IFRD1: variants seen among roughly 807,000 people sequenced by gnomAD.
IFRD1 encodes the protein interferon related developmental regulator 1.
Under a neutral mutation model 52.9 loss-of-function variants are expected in IFRD1, and 35 were observed. The ratio of observed to expected loss-of-function variants is 0.66; its 90% CI spans 0.51 to 0.88. The LOEUF is 0.88. Ranked by LOEUF, IFRD1 falls within the 40% of genes least tolerant of loss-of-function variation. The pLI, the probability that IFRD1 is intolerant of heterozygous loss-of-function variation, is 0.00. For missense variants in IFRD1, 517 were observed against 550.8 expected (o/e 0.94, Z 0.61); for synonymous variants, 184 against 188.4 (o/e 0.98, Z 0.19).
chr7:112,466,107 T>C (rs2117321268), intron 8 of IFRD1, among the ~76,000 whole-genome samples: 1 of 152,160 alleles, frequency 6.6e-6, no homozygotes. Flanking sequence ...TATTAAGATA[T>C]TTATTTCTCT....
At chr7:112,440,854 G>C (rs370952105) in intron 1 of IFRD1, among the ~76,000 whole-genome samples, 1 of 152,184 alleles carries the variant, frequency 6.6e-6, no homozygotes, top group South Asian at 2.1e-4. Context: ...TAAAAGTTCA[G>C]GCTGGGTGCA....
At chr7:112,434,119 G>A (rs1165055748) in intron 1 of IFRD1, among the ~76,000 whole-genome samples, 1 of 152,126 alleles carries the variant, frequency 6.6e-6, no homozygotes, top group African/African-American at 2.4e-5. Context: ...TACTGTGCCT[G>A]ACTGTCTTAT....
At chr7:112,426,210 T>TA in intron 1 of IFRD1, among the ~76,000 whole-genome samples, 1 of 152,170 alleles carries the variant, frequency 6.6e-6, no homozygotes, top group Admixed American at 6.5e-5. Context: ...AACCTGTCCT[T>TA]AAAAAAATAA....
At chr7:112,472,926 G>T in intron 11 of IFRD1, 65 bp downstream of exon 11, 1 of 1,088,750 alleles carries the variant, frequency 9.2e-7, no homozygotes, top group East Asian at 2.4e-5. Flanking sequence ...TCTAGTGTCA[G>T]CAACTTAGCT....
chr7:112,467,815 C>A, intron 8 of IFRD1, 166 bp from the exon 9 acceptor site: 1 of 677,736 alleles, frequency 1.5e-6, no homozygotes, highest in Non-Finnish European at 2.6e-6. Flanking sequence ...TCGATTTTTG[C>A]ATGAAAACAT....
At chr7:112,441,277 AAAAAACAAAAAC>A (rs150721531) in intron 1 of IFRD1, among the ~76,000 whole-genome samples, 2 of 151,128 alleles carry the variant, frequency 1.3e-5, no homozygotes, top group East Asian at 1.9e-4. Context: ...CCTGTCTTAA[AAAAAACAAAAAC>A]AAAAACAAAA....
intron 1 of IFRD1, among the ~76,000 whole-genome samples, chr7:112,430,063 G>A (rs1794515466): frequency 6.6e-6 from 1 of 152,166 alleles, no homozygotes; most frequent in African/African-American, 2.4e-5. Flanking sequence ...TGGTGGGGTT[G>A]ACAGCACCTG....
chr7:112,439,474 T>A (rs1278114739), intron 1 of IFRD1, among the ~76,000 whole-genome samples: 3 of 152,230 alleles, frequency 2.0e-5, no homozygotes, highest in Non-Finnish European at 4.4e-5. Context: ...TTAATTTTTT[T>A]AAAATATTAA....
rs150336380 is a variant in IFRD1 at position 112,450,728 on chromosome 7, A to G, written c.40A>G (p.Ser14Gly). The G allele has an allele frequency of 1.1e-4, 185 of 1,612,810 alleles. No homozygotes were observed. The highest frequency in any genetic ancestry group is 1.5e-4 in the Non-Finnish European group (176 of 1,179,902). The change falls in exon 1 of 12, where the codon AGC (serine) becomes GGC (glycine). Residue 14 changes from serine to glycine, a missense_variant. By Grantham distance (56) the Ser-to-Gly change is moderately conservative. Coordinates refer to ENST00000403825, the MANE Select transcript of IFRD1 (RefSeq NM_001550.4). ...NKKRNTPHRG[S>G]SAGGGGSGAA... ...GAAGCGGAACACTCCCCACCGCGGTAGCAGTGCTGGCGGCGGCGGGTCAGG... is the reference window on the plus strand; with the variant it reads ...GAAGCGGAACACTCCCCACCGCGGTGGCAGTGCTGGCGGCGGCGGGTCAGG...
At chr7:112,457,248 C>G in intron 4 of IFRD1, 1 of 612,962 alleles carries the variant, frequency 1.6e-6, no homozygotes, top group South Asian at 2.0e-5. Context: ...TAGCTTGAAA[C>G]TAAGAAGGAT....
intron 11 of IFRD1, 65 bp from the exon 12 acceptor site, chr7:112,475,365 T>C: frequency 2.2e-6 from 2 of 891,812 alleles, no homozygotes; most frequent in Non-Finnish European, 3.7e-6. Context: ...ACTTTTACCC[T>C]TTTTCTGTTT....
Position 112,450,640 on chromosome 7 carries a change from G to A in IFRD1, c.-49G>A, listed in dbSNP as rs1449522041. ...CACGAGTAAAAAGTGCAGCTCCATC[G>A]GCTGATCCTCGCTAAGCTCCGACTC... On this transcript the variant is annotated 5_prime_UTR_variant, in exon 1 of 12. Coordinates refer to ENST00000403825, the MANE Select transcript of IFRD1 (RefSeq NM_001550.4). 1.4e-6 allele frequency: 2 copies of A among 1,469,454 alleles called. No individual in the cohort carries two copies. The highest frequency in any genetic ancestry group is 1.9e-6 in the Non-Finnish European group (2 of 1,049,754). The allele number at this position is 1,469,454 out of a possible 1,614,324, so 91.0% of individuals were successfully genotyped here.
At chr7:112,472,468 G>A (rs1361121529) in intron 10 of IFRD1, 121 bp downstream of exon 10, 2 of 1,098,532 alleles carry the variant, frequency 1.8e-6, no homozygotes, top group East Asian at 2.4e-5. Context: ...TTAGAAAACA[G>A]TAAACTTGTT....
At position 112,452,170 on chromosome 7, in the gene IFRD1, T is replaced by G. The variant is rs148814627; in HGVS notation, c.94+1388T>G. ...ATTGAGGATACTTTTTTTTTTTTTGTTAAGGGAAAGAGGGAGTCTGGCTCT... is the reference window on the plus strand; with the variant it reads ...ATTGAGGATACTTTTTTTTTTTTTGGTAAGGGAAAGAGGGAGTCTGGCTCT... On this transcript the variant is annotated intron_variant, in intron 1 of 11. Transcript: ENST00000403825. 0.047 allele frequency: 43,255 copies of G among 911,126 alleles called. 1,103 individuals carry two copies. Among genetic ancestry groups the G allele is most frequent in the Non-Finnish European group, 0.052 (39,684 of 770,342 alleles). 56.4% of individuals were successfully genotyped at this position (911,126 alleles called of 1,614,324 possible).
chr7:112,438,877 G>A lies in IFRD1; in HGVS notation c.-181-11631G>A, dbSNP rs542299302. Among the ~76,000 whole-genome samples the A allele has an allele frequency of 5.3e-5, 8 of 152,248 alleles. No individual in the cohort carries two copies. The South Asian group carries it at 1.7e-3, about 32-fold the overall frequency. On this transcript the variant is annotated intron_variant, in intron 1 of 12. Transcript: ENST00000005558. ...ACTACCATTCATGAATCATTGACCT[G>A]AGCATAATGAAAGTTAGCCACCTGG...
chr7:112,472,986 A>C (rs1563273366), intron 11 of IFRD1, 125 bp downstream of exon 11: 1 of 712,298 alleles, frequency 1.4e-6, no homozygotes, highest in Non-Finnish European at 2.5e-6. Context: ...TTCACATAGA[A>C]TAGCTGTACT....
At chr7:112,439,367 T>TA (rs1794809449) in intron 1 of IFRD1, among the ~76,000 whole-genome samples, 1 of 152,234 alleles carries the variant, frequency 6.6e-6, no homozygotes, top group South Asian at 2.1e-4. Context: ...ATAAGACTGT[T>TA]AGAAATTGCC....
chr7:112,463,197 G>A (rs1288563470), intron 8 of IFRD1, among the ~76,000 whole-genome samples: 5 of 152,152 alleles, frequency 3.3e-5, no homozygotes, highest in Non-Finnish European at 1.5e-5. Flanking sequence ...CACTGAATCT[G>A]TGAAGGATCC....
chr7:112,459,076 G>A, intron 5 of IFRD1, 58 bp downstream of exon 5: 1 of 1,402,870 alleles, frequency 7.1e-7, no homozygotes, highest in East Asian at 2.3e-5. Flanking sequence ...CAGACGTGGT[G>A]CGCCTATAGT....
Sources: gnomAD v4.1 joint callset for allele counts (sites outside exome capture counted in the v4.1 genomes callset) on GRCh38, gnomAD v4.1.1 for gene constraint, MANE v1.5 for transcripts, NCBI Gene and HGNC (gene_info 2026-07-23, HGNC 2026-07-21) for gene names.